The following FBXL2 variants were observed in gnomAD, a reference collection of about 807,000 sequenced individuals.
FBXL2 encodes the protein F-box/LRR-repeat protein 2.
A neutral mutation model predicts 69.2 loss-of-function variants in FBXL2; 38 were observed. The observed-to-expected ratio is 0.55, with a 90% CI of 0.42 to 0.72. FBXL2 has a LOEUF of 0.72. Among genes scored for constraint, FBXL2 ranks in the 30% least tolerant of loss-of-function variants. FBXL2 has a pLI of 0.00. For missense variants in FBXL2, 354 were observed against 520.3 expected (o/e 0.68, Z 3.11); for synonymous variants, 192 against 201.3 (o/e 0.95, Z 0.39).
chr3:33,353,048 T>C (rs1248987948), intron 2 of FBXL2, among the ~76,000 whole-genome samples: 1 of 152,216 alleles, frequency 6.6e-6, no homozygotes, highest in Non-Finnish European at 1.5e-5. Context: ...TAATATGATA[T>C]GTCACTAGAG....
At chr3:33,363,559 G>T (rs2041769034) in intron 4 of FBXL2, among the ~76,000 whole-genome samples, 1 of 152,158 alleles carries the variant, frequency 6.6e-6, no homozygotes, top group African/African-American at 2.4e-5. Flanking sequence ...ACCTCAGCTG[G>T]TGATGGTTCT....
At chr3:33,354,719 C>T (rs367727216) in intron 2 of FBXL2, among the ~76,000 whole-genome samples, 3 of 151,984 alleles carry the variant, frequency 2.0e-5, no homozygotes, top group South Asian at 2.1e-4. Flanking sequence ...ATTTCATTAT[C>T]GGTTGTATTT....
intron 2 of FBXL2, among the ~76,000 whole-genome samples, chr3:33,309,493 T>C (rs2037001197): frequency 6.6e-6 from 1 of 152,206 alleles, no homozygotes; most frequent in Non-Finnish European, 1.5e-5. Context: ...AGTCTATGTG[T>C]ATTCTTGCAG....
At chr3:33,402,764 A>T in intron 12 of FBXL2, 1 of 1,408,300 alleles carries the variant, frequency 7.1e-7, no homozygotes, top group Non-Finnish European at 9.5e-7. Flanking sequence ...CATGAGCATT[A>T]GTTAGCTGCA....
intron 4 of FBXL2, among the ~76,000 whole-genome samples, chr3:33,360,338 G>T (rs2041522926): frequency 6.6e-6 from 1 of 152,138 alleles, no homozygotes; most frequent in African/African-American, 2.4e-5. Context: ...TAGGTCAGTT[G>T]TGGAGACTCT....
chr3:33,289,929 C>A (rs2035053619), intron 1 of FBXL2: 5 of 281,616 alleles, frequency 1.8e-5, no homozygotes, highest in Non-Finnish European at 2.7e-5. Context: ...GCTAAGAAAT[C>A]TCTTTATGAT....
rs963142953 is a variant in FBXL2, at chr3:33,386,876, C to G, written c.*1268C>G. ...GGTGGCTGGCCCTTCCAAACAACCACTCCCCCAAACTGAAGGGCCAGAGCT... is the reference window on the plus strand; with the variant it reads ...GGTGGCTGGCCCTTCCAAACAACCAGTCCCCCAAACTGAAGGGCCAGAGCT... On this transcript the variant is annotated 3_prime_UTR_variant, in exon 15 of 15. Coordinates refer to ENST00000484457, the MANE Select transcript of FBXL2 (RefSeq NM_012157.5). 6.6e-6 allele frequency: 1 copy of G among 152,142 alleles called. No individual in the cohort carries two copies. The highest frequency in any genetic ancestry group is 1.5e-5 in the Non-Finnish European group (1 of 68,030). 9.4% of individuals were successfully genotyped at this position (152,142 alleles called of 1,614,324 possible).
intron 2 of FBXL2, among the ~76,000 whole-genome samples, chr3:33,305,084 T>G (rs1005164276): frequency 2.0e-5 from 3 of 152,020 alleles, no homozygotes; most frequent in African/African-American, 7.2e-5. Flanking sequence ...CTAACTTGTT[T>G]TTTTCACATT....
chr3:33,320,119 C>G lies in FBXL2; in HGVS notation c.65+22394C>G, dbSNP rs1030276878. 2.6e-5 allele frequency among the ~76,000 whole-genome samples: 4 copies of G among 152,214 alleles called. No individual in the cohort carries two copies. In the South Asian group the frequency reaches 8.3e-4, roughly 32 times the overall value. ...AATTTTGGGGGGGACATTTAAAAAA[C>G]TGACTCTGAATGTATATGATCAAGT... On this transcript the variant is annotated intron_variant, in intron 2 of 14. Transcript: ENST00000484457.
intron 2 of FBXL2, among the ~76,000 whole-genome samples, chr3:33,356,520 T>G (rs2041214334): frequency 6.6e-6 from 1 of 152,082 alleles, no homozygotes; most frequent in African/African-American, 2.4e-5. Context: ...CAGCTAATTT[T>G]TATATTTTTA....
At chr3:33,325,025 T>G (rs2038574799) in intron 2 of FBXL2, among the ~76,000 whole-genome samples, 3 of 152,184 alleles carry the variant, frequency 2.0e-5, no homozygotes, top group African/African-American at 7.2e-5. Flanking sequence ...TCACATCCCT[T>G]GTAAGTTGGA....
chr3:33,366,645 CAG>C (rs1346995530), intron 5 of FBXL2, among the ~76,000 whole-genome samples: 1 of 152,072 alleles, frequency 6.6e-6, no homozygotes, highest in Non-Finnish European at 1.5e-5. Context: ...AGCTGGGTGA[CAG>C]AGTGAGACTC....
chr3:33,396,936 C>T (rs1307567230), intron 12 of FBXL2: 11 of 972,974 alleles, frequency 1.1e-5, no homozygotes, highest in Admixed American at 3.8e-5. Context: ...TGCTCGATGG[C>T]GCACACAGGC....
intron 2 of FBXL2, among the ~76,000 whole-genome samples, chr3:33,358,327 C>A (rs1285755210): frequency 1.3e-5 from 2 of 152,206 alleles, no homozygotes; most frequent in African/African-American, 4.8e-5. Context: ...GCCAGAATGT[C>A]GAGGCTTCAC....
At chr3:33,321,417 GAA>G (rs1480693388) in intron 2 of FBXL2, among the ~76,000 whole-genome samples, 13 of 152,068 alleles carry the variant, frequency 8.5e-5, no homozygotes, top group East Asian at 1.9e-4. Flanking sequence ...AAAAAAATAT[GAA>G]AAGATACTTC....
At chr3:33,381,324 G>A (rs560877427) in intron 13 of FBXL2, among the ~76,000 whole-genome samples, 2 of 152,190 alleles carry the variant, frequency 1.3e-5, no homozygotes, top group East Asian at 3.9e-4. Flanking sequence ...AAATATACAC[G>A]TATATACGTG....
chr3:33,329,035 AAAAC>A (rs1417063261), intron 2 of FBXL2, among the ~76,000 whole-genome samples: 4 of 152,206 alleles, frequency 2.6e-5, no homozygotes, highest in African/African-American at 9.6e-5. Flanking sequence ...ATTCAGTAGC[AAAAC>A]AAACAAAACA....
At chr3:33,282,588 T>C (rs569273884) in intron 1 of FBXL2, among the ~76,000 whole-genome samples, 69 of 152,278 alleles carry the variant, frequency 4.5e-4, no homozygotes, top group African/African-American at 1.4e-3. Context: ...GTGAAGAAAG[T>C]CATTGGTAGC....
rs556475768 is a variant in FBXL2, at chr3:33,339,644, C to T, written c.66-19323C>T. 3.5e-4 allele frequency among the ~76,000 whole-genome samples: 53 copies of T among 152,182 alleles called. 1 individual carries two copies. Among genetic ancestry groups the T allele is most frequent in the African/African-American group, 1.3e-3 (52 of 41,494 alleles). ...ACAAAATAATTTGTACACCAAACTC[C>T]AGTGACACACAATTTACCCATGTAA... is the stretch of plus-strand genomic sequence containing the variant. On this transcript the variant is annotated intron_variant, in intron 2 of 14. Coordinates refer to ENST00000484457, the MANE Select transcript of FBXL2 (RefSeq NM_012157.5).
Sources: allele counts gnomAD v4.1 joint callset (sites outside exome capture counted in the v4.1 genomes callset), GRCh38; gene constraint gnomAD v4.1.1; transcripts MANE v1.5; gene names NCBI Gene and HGNC (gene_info 2026-07-23, HGNC 2026-07-21).